Variants in POTEB observed in about 807,000 individuals in gnomAD.
POTEB encodes the protein POTE ankyrin domain family member B, also known as ANKRD26-like family B, member 1.
At chr15:21,854,850 T>C (rs1287951794) in intron 9 of POTEB, among the ~76,000 whole-genome samples, 1 of 146,080 alleles carries the variant, frequency 6.8e-6, no homozygotes, top group Non-Finnish European at 1.5e-5. Context: ...ATCTTAAAAC[T>C]ATAGAACTAA....
At chr15:21,855,120 G>A (rs1314661780) in intron 9 of POTEB, among the ~76,000 whole-genome samples, 7 of 148,476 alleles carry the variant, frequency 4.7e-5, no homozygotes, top group Non-Finnish European at 9.0e-5. Context: ...AAAAATATAT[G>A]AAGTCACTGT....
chr15:21,871,838 T>C (rs1241254187), intron 3 of POTEB, among the ~76,000 whole-genome samples, 169 bp downstream of exon 3: 1 of 28,910 alleles, frequency 3.5e-5, no homozygotes, highest in African/African-American at 8.3e-5. Context: ...CTAATGCTTC[T>C]TTAAAAGTAA....
At chr15:21,871,364 AAC>A (rs554170349) in intron 3 of POTEB, among the ~76,000 whole-genome samples, 350 of 12,008 alleles carry the variant, frequency 0.029, 14 homozygotes, top group African/African-American at 0.052. Flanking sequence ...CAACAATAAC[AAC>A]ACACACACAC....
chr15:21,871,398 C>A (rs1356255651), intron 3 of POTEB, among the ~76,000 whole-genome samples: 11 of 20,108 alleles, frequency 5.5e-4, no homozygotes, highest in African/African-American at 1.1e-3. Flanking sequence ...CACACACACA[C>A]ACACACAAAC....
chr15:21,855,196 T>G lies in POTEB; in HGVS notation c.1298+1596A>C, dbSNP rs1324115329. Among the ~76,000 whole-genome samples, 7 of 148,536 alleles carry G rather than the reference T, an allele frequency of 4.7e-5. 1 individual carries two copies. In the Admixed American group the frequency reaches 4.9e-4, roughly 10 times the overall value. ...CTCAAAGGAAAGATACTGTCACACATGCTGGGCACTTTTATAAATAAGTGT... is the reference window on the plus strand; with the variant it reads ...CTCAAAGGAAAGATACTGTCACACAGGCTGGGCACTTTTATAAATAAGTGT... On this transcript the variant is annotated intron_variant, in intron 9 of 10. Coordinates refer to ENST00000439682, the MANE Select transcript of POTEB (RefSeq NM_001277304.2).
At chr15:21,870,275 C>A (rs1890074893) in intron 3 of POTEB, among the ~76,000 whole-genome samples, 1 of 85,048 alleles carries the variant, frequency 1.2e-5, no homozygotes, top group East Asian at 3.4e-4. Context: ...ATGGCAAAAA[C>A]CTCATCTCTA....
At chr15:21,854,507 T>C (rs1252776885) in intron 9 of POTEB, among the ~76,000 whole-genome samples, 2 of 150,806 alleles carry the variant, frequency 1.3e-5, no homozygotes, top group African/African-American at 4.8e-5. Flanking sequence ...GAAAAGTGCC[T>C]AGATTTATTA....
At chr15:21,854,255 A>AAAAAAG (rs1177198427) in intron 9 of POTEB, among the ~76,000 whole-genome samples, 93 of 133,640 alleles carry the variant, frequency 7.0e-4, no homozygotes, top group Middle Eastern at 3.8e-3. Context: ...CTCTGTCTCC[A>AAAAAAG]AAAAAGAAAA....
At chr15:21,855,254 A>C (rs1386110156) in intron 9 of POTEB, among the ~76,000 whole-genome samples, 2 of 148,348 alleles carry the variant, frequency 1.3e-5, no homozygotes, top group African/African-American at 4.9e-5. Context: ...TTTTAGCACA[A>C]GGGTCAGCAA....
intron 9 of POTEB, among the ~76,000 whole-genome samples, chr15:21,855,269 G>A (rs1188780800): frequency 6.7e-6 from 1 of 148,416 alleles, no homozygotes; most frequent in Non-Finnish European, 1.5e-5. Flanking sequence ...CAGCAAATTA[G>A]CACCTGTGGG....
At chr15:21,871,364 A>AACACAC (rs554170349) in intron 3 of POTEB, among the ~76,000 whole-genome samples, 199 of 12,086 alleles carry the variant, frequency 0.016, 35 homozygotes, top group Admixed American at 0.022. Context: ...CAACAATAAC[A>AACACAC]ACACACACAC....
intron 5 of POTEB, among the ~76,000 whole-genome samples, chr15:21,866,633 C>CTCGG (rs1359648526): frequency 0.17 from 5 of 30 alleles, no homozygotes; most frequent in African/African-American, 0.18. Flanking sequence ...CAGTGTAGAT[C>CTCGG]TGGTAGCAAA....
intron 3 of POTEB, among the ~76,000 whole-genome samples, chr15:21,871,392 C>A (rs1217877003): frequency 5.0e-5 from 1 of 20,078 alleles, no homozygotes; most frequent in African/African-American, 1.1e-4. Flanking sequence ...CACACACACA[C>A]ACACACACAC....
At chr15:21,854,907 G>C (rs1448019597) in intron 9 of POTEB, among the ~76,000 whole-genome samples, 3 of 146,264 alleles carry the variant, frequency 2.1e-5, no homozygotes, top group African/African-American at 7.4e-5. Context: ...TTATCATTTT[G>C]TTCATGCTTA....
chr15:21,854,505 C>T lies in POTEB; in HGVS notation c.1298+2287G>A, dbSNP rs1052451282. 6.3e-3 allele frequency among the ~76,000 whole-genome samples: 944 copies of T among 149,402 alleles called. 10 individuals carry two copies. Among genetic ancestry groups the T allele is most frequent in the Non-Finnish European group, 0.01 (674 of 66,392 alleles). On this transcript the variant is annotated intron_variant, in intron 9 of 10. Coordinates refer to ENST00000439682, the MANE Select transcript of POTEB (RefSeq NM_001277304.2). ...AATAAAATGAGGTGGAAGAAAAGTG[C>T]CTAGATTTATTACAGAAAAAAATTA...
chr15:21,853,296 C>A (rs1405919015), intron 9 of POTEB, among the ~76,000 whole-genome samples: 3 of 11,412 alleles, frequency 2.6e-4, no homozygotes, highest in African/African-American at 2.8e-4. Context: ...AAATCATTCC[C>A]GACACAGGGA....
chr15:21,854,733 T>G (rs1246997806), intron 9 of POTEB, among the ~76,000 whole-genome samples: 1 of 148,554 alleles, frequency 6.7e-6, no homozygotes, highest in African/African-American at 2.4e-5. Flanking sequence ...TAGTTTCAAA[T>G]TTTACATAAA....
intron 3 of POTEB, among the ~76,000 whole-genome samples, chr15:21,870,280 T>C: frequency 1.2e-5 from 1 of 84,466 alleles, no homozygotes; most frequent in Non-Finnish European, 2.6e-5. Context: ...AAAAACCTCA[T>C]CTCTACTAAA....
chr15:21,871,396 C>A (rs1426764426), intron 3 of POTEB, among the ~76,000 whole-genome samples: 3 of 20,248 alleles, frequency 1.5e-4, no homozygotes, highest in African/African-American at 3.2e-4. Context: ...CACACACACA[C>A]ACACACACAA....
Sources: gnomAD v4.1 joint callset for allele counts (sites outside exome capture counted in the v4.1 genomes callset) on GRCh38, gnomAD v4.1.1 for gene constraint, MANE v1.5 for transcripts, NCBI Gene and HGNC (gene_info 2026-07-23, HGNC 2026-07-21) for gene names.